The following ZFP64 variants were observed in gnomAD, a reference collection of about 807,000 sequenced individuals.
The protein encoded by ZFP64 is ZFP64 zinc finger protein, also known as zinc finger protein 64.
Under a neutral mutation model 51.6 loss-of-function variants are expected in ZFP64, and 14 were observed. The observed-to-expected ratio is 0.27, with a 90% confidence interval of 0.18 to 0.42. The LOEUF is 0.42. Among genes scored for constraint, ZFP64 ranks in the 10% least tolerant of loss-of-function variants. ZFP64 has a pLI of 1.00. For synonymous variants in ZFP64, 375 were observed against 361.4 expected, an observed-to-expected ratio of 1.04 and a Z score of -0.43; for missense variants, 754 against 906.8, an observed-to-expected ratio of 0.83 and a Z score of 2.16.
chr20:52,125,947 T>C (rs190505893), intron 5 of ZFP64, among the ~76,000 whole-genome samples: 151 of 152,130 alleles, frequency 9.9e-4, no homozygotes, highest in Middle Eastern at 3.4e-3. Context: ...AGTAGTGCCA[T>C]CTTGGCTCAC....
At chr20:52,115,658 G>T (rs183619571) in intron 5 of ZFP64, among the ~76,000 whole-genome samples, 14 of 152,096 alleles carry the variant, frequency 9.2e-5, no homozygotes, top group African/African-American at 3.4e-4. Context: ...CAAGTGATGC[G>T]CTGACCTTGG....
At chr20:52,104,420 G>A (rs2079087438) in intron 5 of ZFP64, among the ~76,000 whole-genome samples, 1 of 152,186 alleles carries the variant, frequency 6.6e-6, no homozygotes, top group Admixed American at 6.5e-5. Context: ...AGGAGGGGGT[G>A]TGGGGGCCGC....
chr20:52,156,466 G>A (rs1283386831), intron 5 of ZFP64, among the ~76,000 whole-genome samples: 2 of 152,210 alleles, frequency 1.3e-5, no homozygotes, highest in Non-Finnish European at 2.9e-5. Context: ...AGAGACATGT[G>A]GAGCAGAGCT....
chr20:52,115,910 C>T (rs1458673075), intron 5 of ZFP64, among the ~76,000 whole-genome samples: 6 of 152,166 alleles, frequency 3.9e-5, no homozygotes, highest in Non-Finnish European at 5.9e-5. Context: ...TCTTGGCTCA[C>T]GGCAGCCTCC....
At chr20:52,136,110 A>AAG (rs1979963564) in intron 5 of ZFP64, among the ~76,000 whole-genome samples, 1 of 150,308 alleles carries the variant, frequency 6.7e-6, no homozygotes, top group Non-Finnish European at 1.5e-5. Flanking sequence ...AAAAAAAAAA[A>AAG]AAAAAAAAAA....
intron 5 of ZFP64, among the ~76,000 whole-genome samples, chr20:52,137,974 G>A (rs947392964): frequency 2.1e-4 from 32 of 151,738 alleles, no homozygotes; most frequent in African/African-American, 6.5e-4. Context: ...CCAGGAGTTC[G>A]AGACCAGCCT....
intron 5 of ZFP64, among the ~76,000 whole-genome samples, chr20:52,101,592 G>GTTTTGTTTTTGTAT (rs1568946916): frequency 2.0e-5 from 3 of 150,430 alleles, no homozygotes; most frequent in Non-Finnish European, 1.5e-5. Flanking sequence ...TGTTTTTATA[G>GTTTTGTTTTTGTAT]AGACAGGGTT....
chr20:52,085,717 T>C lies in ZFP64; in HGVS notation c.1229-451A>G, dbSNP rs893165219. ...GACGCTTACTATAGTGTTTAATCTATATGACATCAGTTATTGAGCTTGTAT... is the reference window on the plus strand; with the variant it reads ...GACGCTTACTATAGTGTTTAATCTACATGACATCAGTTATTGAGCTTGTAT... On this transcript the variant is annotated intron_variant, in intron 8 of 8. Coordinates refer to the ZFP64 transcript ENST00000361387. This position sits in a 1 kb window ranked among gnomAD's most constrained non-coding sequence, Gnocchi z 4.3. 6.6e-6 allele frequency among the ~76,000 whole-genome samples: 1 copy of C among 152,224 alleles called. No homozygotes were observed. Among genetic ancestry groups the C allele is most frequent in the African/African-American group, 2.4e-5 (1 of 41,456 alleles).
chr20:52,161,453 T>TC (rs1190066303), intron 4 of ZFP64, among the ~76,000 whole-genome samples: 43 of 99,156 alleles, frequency 4.3e-4, no homozygotes, highest in African/African-American at 1.1e-3. Context: ...TTGCTTTCTT[T>TC]TTTTTTTTTT....
chr20:52,098,630 C>T (rs772014454), intron 5 of ZFP64: 2 of 1,612,590 alleles, frequency 1.2e-6, no homozygotes, highest in Non-Finnish European at 1.7e-6. Context: ...CATTTATAAC[C>T]ACCATGCTAA....
chr20:52,102,101 C>T (rs1328590045), intron 5 of ZFP64, among the ~76,000 whole-genome samples: 1 of 79,008 alleles, frequency 1.3e-5, no homozygotes, highest in African/African-American at 5.6e-5. Context: ...AGAGTAACTC[C>T]ATCTCCAAAA....
downstream of ZFP64, among the ~76,000 whole-genome samples, chr20:52,146,513 G>T (rs1980535585): frequency 6.7e-6 from 1 of 148,368 alleles, no homozygotes; most frequent in Non-Finnish European, 1.5e-5. Flanking sequence ...CTCACTCATA[G>T]GTGGGAATTG....
intron 7 of ZFP64, among the ~76,000 whole-genome samples, chr20:52,093,776 G>A (rs549310482): frequency 5.9e-5 from 9 of 152,234 alleles, no homozygotes; most frequent in Non-Finnish European, 1.0e-4. Flanking sequence ...CCGGGCTTGG[G>A]AGCATCTCAT....
At chr20:52,099,084 T>C (rs2079023980) in intron 5 of ZFP64, among the ~76,000 whole-genome samples, 1 of 150,510 alleles carries the variant, frequency 6.6e-6, no homozygotes, top group Admixed American at 6.6e-5. Context: ...TTCCAAGAAG[T>C]ACAGGGGACA....
chr20:52,126,420 T>C (rs6021717), intron 5 of ZFP64, among the ~76,000 whole-genome samples: 107,866 of 151,964 alleles, frequency 0.71, 38,775 homozygotes, highest in African/African-American at 0.78. Flanking sequence ...TTCTAGTTCT[T>C]CATGGGCCTG....
Position 52,152,553 on chromosome 20 carries a change from T to C in ZFP64, c.1639A>G (p.Ser547Gly), listed in dbSNP as rs765768696. 6.3e-7 allele frequency: 1 copy of C among 1,577,700 alleles called. No individual in the cohort carries two copies. The highest frequency in any genetic ancestry group is 1.2e-5 in the South Asian group (1 of 85,134). The stretch of plus-strand genomic sequence containing the variant: ...GAGGACTGAGGGGGGGCGATCAGAC[T>C]GACCTGGCGCAGGATCTGCAGCCGG... ...NSRLQILRQV[S>G]LIAPPQSSRC... The change falls in exon 6 of 6, where the codon AGT (serine) becomes GGT (glycine). Residue 547 changes from serine to glycine, a missense_variant. By Grantham distance (56) the Ser-to-Gly change is moderately conservative. Transcript: ENST00000216923.
chr20:52,187,622 C>CA (rs979262301), intron 1 of ZFP64, among the ~76,000 whole-genome samples: 47 of 144,032 alleles, frequency 3.3e-4, no homozygotes, highest in East Asian at 1.8e-3. Context: ...AACTCTGTCT[C>CA]AAAAAAAAAA....
intron 5 of ZFP64, among the ~76,000 whole-genome samples, chr20:52,114,227 T>C (rs956917295): frequency 1.3e-5 from 2 of 152,226 alleles, no homozygotes; most frequent in African/African-American, 2.4e-5. Flanking sequence ...CCTGTCCCGA[T>C]AGAAAAGATT....
intron 5 of ZFP64, among the ~76,000 whole-genome samples, chr20:52,130,111 C>T (rs948831509): frequency 6.6e-6 from 1 of 152,184 alleles, no homozygotes; most frequent in Non-Finnish European, 1.5e-5. Context: ...GGGAGAACTA[C>T]TCTGACCCGC....
Sources: gnomAD v4.1 joint callset for allele counts (sites outside exome capture counted in the v4.1 genomes callset) on GRCh38, gnomAD v4.1.1 for gene constraint, Gnocchi (gnomAD v3.1) non-coding constraint, MANE v1.5 for transcripts, NCBI Gene and HGNC (gene_info 2026-07-23, HGNC 2026-07-21) for gene names.